The following NALF1 variants were observed in gnomAD, a reference collection of about 807,000 sequenced individuals.
NALF1 encodes NALCN channel auxiliary factor 1.
Under a neutral mutation model 48.4 loss-of-function variants are expected in NALF1, and 3 were observed. The ratio of observed to expected loss-of-function variants is 0.06; its 90% CI spans 0.03 to 0.16. The LOEUF is 0.16. Ranked by LOEUF, NALF1 falls within the 10% of genes least tolerant of loss-of-function variation. NALF1 has a pLI of 1.00. For missense variants in NALF1, 526 were observed against 571.5 expected (o/e 0.92, Z 0.81); for synonymous variants, 262 against 245.7 (o/e 1.07, Z -0.62).
intron 1 of NALF1, among the ~76,000 whole-genome samples, chr13:107,479,544 T>C (rs549348622): frequency 3.3e-5 from 5 of 152,266 alleles, no homozygotes; most frequent in South Asian, 4.1e-4. Context: ...ACCTTCATAA[T>C]TGTGACTTTC....
intron 1 of NALF1, among the ~76,000 whole-genome samples, chr13:107,846,040 T>G (rs1880164446): frequency 6.6e-6 from 1 of 152,154 alleles, no homozygotes; most frequent in Non-Finnish European, 1.5e-5. Flanking sequence ...AAATCTATCT[T>G]CTTTGAGCCC....
At chr13:107,364,725 T>A (rs1247782825) in intron 1 of NALF1, among the ~76,000 whole-genome samples, 1 of 152,234 alleles carries the variant, frequency 6.6e-6, no homozygotes, top group East Asian at 1.9e-4. Context: ...AGTTAAAGGA[T>A]CTTCACTGTA....
intron 1 of NALF1, among the ~76,000 whole-genome samples, chr13:107,545,736 T>C (rs1877119475): frequency 6.6e-6 from 1 of 151,878 alleles, no homozygotes; most frequent in South Asian, 2.1e-4. Flanking sequence ...ATGTGGGCAG[T>C]GTGGGGTGGA....
intron 1 of NALF1, among the ~76,000 whole-genome samples, chr13:107,467,156 C>T (rs1021139745): frequency 4.6e-5 from 7 of 151,952 alleles, no homozygotes; most frequent in South Asian, 2.1e-4. Flanking sequence ...AATTCTTGAT[C>T]GACATTTTAA....
intron 1 of NALF1, among the ~76,000 whole-genome samples, chr13:107,611,492 AT>A (rs35524383): frequency 0.49 from 75,083 of 151,936 alleles, 18,735 homozygotes; most frequent in East Asian, 0.68. Flanking sequence ...ATGGAATATT[AT>A]TGTAGCATTT....
chr13:107,520,847 G>A (rs1477895310), intron 1 of NALF1, among the ~76,000 whole-genome samples: 1 of 152,078 alleles, frequency 6.6e-6, no homozygotes, highest in Non-Finnish European at 1.5e-5. Flanking sequence ...CAAGCCCAGG[G>A]TAGACCCCTG....
chr13:107,445,405 T>C (rs772555831), intron 1 of NALF1, among the ~76,000 whole-genome samples: 2 of 152,238 alleles, frequency 1.3e-5, no homozygotes, highest in Non-Finnish European at 2.9e-5. Context: ...TTTGTATCAA[T>C]AATTTGTTCC....
intron 1 of NALF1, among the ~76,000 whole-genome samples, chr13:107,747,131 A>G (rs776953421): frequency 1.3e-5 from 2 of 152,214 alleles, no homozygotes; most frequent in Non-Finnish European, 2.9e-5. Flanking sequence ...ACAGCCCAGC[A>G]TTGTACATTC....
In NALF1 at chr13:107,866,718, C is replaced by CCT; in HGVS notation, c.-124_-123dup. 1.4e-6 allele frequency: 1 copy of CCT among 700,762 alleles called. No homozygotes were observed. 43.4% of individuals were successfully genotyped at this position (700,762 alleles called of 1,614,324 possible). On this transcript the variant is annotated 5_prime_UTR_variant, in exon 1 of 3. Transcript: ENST00000375915. This position sits in a 1 kb window ranked among gnomAD's most constrained non-coding sequence, Gnocchi z 4.4. ...TCCCCTCCTCCCGTTTCTTCTCTCT[C>CCT]CTCTCTCTCTTTCTCTCTCTTCCCC...
chr13:107,575,058 C>T (rs574507582), intron 1 of NALF1, among the ~76,000 whole-genome samples: 2 of 152,072 alleles, frequency 1.3e-5, no homozygotes, highest in South Asian at 2.1e-4. Flanking sequence ...CTATTTTCAC[C>T]GTACGAGGAG....
At chr13:107,353,143 C>A (rs183056505) in intron 1 of NALF1, among the ~76,000 whole-genome samples, 3 of 152,264 alleles carry the variant, frequency 2.0e-5, no homozygotes, top group Admixed American at 2.0e-4. Context: ...CTCATCCCCC[C>A]ACTTCCCTAC....
chr13:107,824,593 C>T (rs1200604372), intron 1 of NALF1, among the ~76,000 whole-genome samples: 1 of 152,164 alleles, frequency 6.6e-6, no homozygotes. Context: ...CTGGCCTGTA[C>T]TAATCCAGAT....
intron 2 of NALF1, among the ~76,000 whole-genome samples, chr13:107,176,887 G>C (rs952761352): frequency 2.0e-5 from 3 of 151,360 alleles, no homozygotes; most frequent in African/African-American, 7.3e-5. Flanking sequence ...AATTTTGTTT[G>C]TTTTTAAATT....
intron 1 of NALF1, among the ~76,000 whole-genome samples, chr13:107,749,262 GT>G (rs1876868047): frequency 6.6e-6 from 1 of 151,814 alleles, no homozygotes; most frequent in African/African-American, 2.4e-5. Flanking sequence ...TTTTAAGGCA[GT>G]TTTCTCTTAG....
At chr13:107,514,878 T>C (rs2476774) in intron 1 of NALF1, among the ~76,000 whole-genome samples, 2,558 of 152,256 alleles carry the variant, frequency 0.017, 84 homozygotes, top group African/African-American at 0.058. Context: ...TAGTAAAGTA[T>C]AGTTTGTTGG....
At chr13:107,522,977 G>A (rs1269441879) in intron 1 of NALF1, among the ~76,000 whole-genome samples, 6 of 152,060 alleles carry the variant, frequency 3.9e-5, no homozygotes, top group African/African-American at 1.4e-4. Context: ...ATTTAGGAGT[G>A]TGAACTCCTA....
chr13:107,614,213 T>C (rs765019131), intron 1 of NALF1, among the ~76,000 whole-genome samples: 2 of 152,202 alleles, frequency 1.3e-5, no homozygotes, highest in African/African-American at 2.4e-5. Flanking sequence ...TTGAAACACA[T>C]ACTCACTTAC....
intron 1 of NALF1, among the ~76,000 whole-genome samples, chr13:107,332,784 C>A (rs930147462): frequency 1.3e-5 from 2 of 152,144 alleles, no homozygotes; most frequent in African/African-American, 4.8e-5. Context: ...GTCCCACGAA[C>A]CTTTGTTCAC....
chr13:107,295,537 C>T (rs1342223976), intron 1 of NALF1, among the ~76,000 whole-genome samples: 2 of 152,140 alleles, frequency 1.3e-5, no homozygotes, highest in African/African-American at 4.8e-5. Context: ...CAATAACATC[C>T]ACTGCCTTCT....
Sources: allele counts gnomAD v4.1 joint callset (sites outside exome capture counted in the v4.1 genomes callset), GRCh38; gene constraint gnomAD v4.1.1; non-coding constraint Gnocchi (gnomAD v3.1); transcripts MANE v1.5; gene names NCBI Gene and HGNC (gene_info 2026-07-23, HGNC 2026-07-21).